MDGA2: variants seen among roughly 807,000 people sequenced by gnomAD.
MDGA2 encodes the protein MAM domain-containing glycosylphosphatidylinositol anchor protein 2.
MDGA2 carries 40 observed loss-of-function variants against 117.8 expected under a neutral mutation model. The ratio of observed to expected loss-of-function variants is 0.34; its 90% confidence interval spans 0.26 to 0.44. The LOEUF (loss-of-function observed/expected upper bound fraction) is 0.44. MDGA2 is among the 20% of genes least tolerant of loss of function. The pLI is 1.00. For missense variants in MDGA2, 1,123 were observed against 1,250.6 expected (o/e 0.90, Z 1.54); for synonymous variants, 452 against 439.0 (o/e 1.03, Z -0.37).
chr14:46,993,109 GA>G (rs1446762375), intron 8 of MDGA2, among the ~76,000 whole-genome samples: 2 of 151,750 alleles, frequency 1.3e-5, no homozygotes, highest in Non-Finnish European at 2.9e-5. Flanking sequence ...AGTAACCTCT[GA>G]TGAAAAAATG....
chr14:47,589,028 G>A (rs1441153409), intron 1 of MDGA2, among the ~76,000 whole-genome samples: 1 of 151,302 alleles, frequency 6.6e-6, no homozygotes, highest in African/African-American at 2.4e-5. Flanking sequence ...TTTTTCTCTT[G>A]TAATCTTGAG....
chr14:46,920,223 C>T, intron 9 of MDGA2, 63 bp from the exon 10 acceptor site: 6 of 1,432,186 alleles, frequency 4.2e-6, no homozygotes, highest in Non-Finnish European at 5.6e-6. Context: ...CATACTTATT[C>T]CCTTTGGCCC....
intron 1 of MDGA2, among the ~76,000 whole-genome samples, chr14:47,649,266 G>A (rs1471041087): frequency 2.0e-5 from 3 of 152,080 alleles, no homozygotes; most frequent in African/African-American, 7.2e-5. Context: ...TGTAGCAACT[G>A]CTTAAAAGTT....
chr14:47,626,575 T>C (rs2474243), intron 1 of MDGA2: 151,950 of 152,680 alleles, frequency 1, 75,617 homozygotes, highest in East Asian at 1. Context: ...CAGGCGGGAA[T>C]CGGGGGCTGC....
At chr14:47,060,918 TTTG>T (rs1366460134) in intron 7 of MDGA2, among the ~76,000 whole-genome samples, 1 of 151,970 alleles carries the variant, frequency 6.6e-6, no homozygotes. Context: ...ACTCTAGACA[TTTG>T]TTGTTTAATT....
At chr14:47,377,078 G>A (rs902124989) in intron 1 of MDGA2, among the ~76,000 whole-genome samples, 6 of 152,156 alleles carry the variant, frequency 3.9e-5, no homozygotes, top group Non-Finnish European at 8.8e-5. Context: ...TTAAAAAGCT[G>A]TGGTTTTCTG....
rs553616056 is a variant in MDGA2 at position 46,961,767 on chromosome 14, C to T, written c.1820-4124G>A. ...ACGCCATTCTCCTGCCTCAGCCTCC[C>T]GAGTAGCTGGGACTACAGGCACCTG... On this transcript the variant is annotated intron_variant, in intron 8 of 16. Transcript: ENST00000399232. 1.8e-4 allele frequency among the ~76,000 whole-genome samples: 27 copies of T among 152,002 alleles called. No homozygotes were observed. The South Asian group carries it at 5.6e-3, about 32-fold the overall frequency.
intron 1 of MDGA2, among the ~76,000 whole-genome samples, chr14:47,436,228 A>G (rs186957712): frequency 1.5e-3 from 227 of 152,276 alleles, no homozygotes; most frequent in Admixed American, 2.4e-3. Context: ...GAAAGCTGAT[A>G]AGAAATTCAA....
chr14:47,112,554 T>C (rs1387931668), intron 5 of MDGA2, among the ~76,000 whole-genome samples: 1 of 152,186 alleles, frequency 6.6e-6, no homozygotes, highest in African/African-American at 2.4e-5. Flanking sequence ...ACTCCATCCA[T>C]GTCCCTGCAA....
At chr14:46,962,283 T>C (rs1214572347) in intron 8 of MDGA2, among the ~76,000 whole-genome samples, 2 of 152,162 alleles carry the variant, frequency 1.3e-5, no homozygotes, top group African/African-American at 2.4e-5. Flanking sequence ...AACCACATCA[T>C]CCCATCCTGT....
At chr14:46,885,808 A>G (rs1450270888) in intron 10 of MDGA2, among the ~76,000 whole-genome samples, 3 of 152,140 alleles carry the variant, frequency 2.0e-5, no homozygotes. Flanking sequence ...CCACAGAAGT[A>G]CTGCAGATGT....
At chr14:47,466,812 T>C (rs1303538835) in intron 1 of MDGA2, among the ~76,000 whole-genome samples, 4 of 151,634 alleles carry the variant, frequency 2.6e-5, no homozygotes, top group Admixed American at 1.3e-4. Context: ...TATATTACTC[T>C]CATGTTAATA....
chr14:47,257,826 G>C (rs1385456500), intron 2 of MDGA2, among the ~76,000 whole-genome samples: 2 of 152,030 alleles, frequency 1.3e-5, no homozygotes, highest in African/African-American at 4.8e-5. Flanking sequence ...TGTAGCACTG[G>C]TCTCCACATA....
intron 2 of MDGA2, among the ~76,000 whole-genome samples, chr14:47,274,081 A>G (rs1206067226): frequency 6.6e-6 from 1 of 152,034 alleles, no homozygotes; most frequent in Non-Finnish European, 1.5e-5. Flanking sequence ...CATTCATACC[A>G]TCCAACCTAC....
intron 8 of MDGA2, among the ~76,000 whole-genome samples, chr14:46,983,295 T>C (rs537685210): frequency 6.6e-6 from 1 of 152,172 alleles, no homozygotes; most frequent in Non-Finnish European, 1.5e-5. Flanking sequence ...TGAATCTCTC[T>C]AATATTCTCA....
intron 1 of MDGA2, among the ~76,000 whole-genome samples, chr14:47,391,799 G>A (rs1419881945): frequency 2.6e-5 from 4 of 152,114 alleles, no homozygotes; most frequent in Admixed American, 2.0e-4. Flanking sequence ...CAGACATTCC[G>A]TTTTCTCTTT....
chr14:47,588,255 TATATATAC>T (rs1273157334), intron 1 of MDGA2, among the ~76,000 whole-genome samples: 45 of 96,036 alleles, frequency 4.7e-4, no homozygotes, highest in East Asian at 1.7e-3. Context: ...TATATATATA[TATATATAC>T]ACACACACAC....
At chr14:46,869,849 GA>G (rs1158437440) in intron 14 of MDGA2, among the ~76,000 whole-genome samples, 3 of 151,906 alleles carry the variant, frequency 2.0e-5, no homozygotes, top group African/African-American at 7.3e-5. Flanking sequence ...ACATGGTGAG[GA>G]ATTGAGGGAG....
chr14:46,982,953 T>C (rs962892035), intron 8 of MDGA2, among the ~76,000 whole-genome samples: 1 of 152,046 alleles, frequency 6.6e-6, no homozygotes, highest in Non-Finnish European at 1.5e-5. Context: ...TTGTTGTAGA[T>C]AGCTCTTATT....
Sources: allele counts gnomAD v4.1 joint callset (sites outside exome capture counted in the v4.1 genomes callset), GRCh38; gene constraint gnomAD v4.1.1; transcripts MANE v1.5; gene names NCBI Gene and HGNC (gene_info 2026-07-23, HGNC 2026-07-21).